The following DPYD variants were observed in gnomAD, a reference collection of about 807,000 sequenced individuals.
DPYD encodes dihydropyrimidine dehydrogenase.
Under a neutral mutation model 116.2 loss-of-function variants are expected in DPYD, and 109 were observed. The observed-to-expected ratio is 0.94, with a 90% confidence interval of 0.80 to 1.10. The LOEUF (loss-of-function observed/expected upper bound fraction) is 1.10. Ranked by LOEUF, DPYD falls within the 50% of genes least tolerant of loss-of-function variation. The pLI is 0.00. For synonymous variants in DPYD, 440 were observed against 432.0 expected, an observed-to-expected ratio of 1.02 and a Z score of -0.23; for missense variants, 1,302 against 1,254.5, an observed-to-expected ratio of 1.04 and a Z score of -0.57.
At chr1:97,761,324 G>A (rs944288826) in intron 3 of DPYD, among the ~76,000 whole-genome samples, 2 of 152,020 alleles carry the variant, frequency 1.3e-5, no homozygotes, top group African/African-American at 4.8e-5. Context: ...ATCTGAAAAC[G>A]TCTTTAAAAT....
chr1:97,831,710 G>A (rs56996093), intron 2 of DPYD, among the ~76,000 whole-genome samples: 3,790 of 151,840 alleles, frequency 0.025, 156 homozygotes, highest in African/African-American at 0.084. Context: ...CAGAAGAAAG[G>A]AAAAGGCAAC....
At chr1:97,785,607 C>T (rs1157761522) in intron 3 of DPYD, among the ~76,000 whole-genome samples, 1 of 150,588 alleles carries the variant, frequency 6.6e-6, no homozygotes. Flanking sequence ...GCACATCACA[C>T]ACCCTGTGTT....
At chr1:97,375,724 G>A (rs963728431) in intron 15 of DPYD, among the ~76,000 whole-genome samples, 2 of 152,144 alleles carry the variant, frequency 1.3e-5, no homozygotes, top group African/African-American at 2.4e-5. Context: ...TGGATAATAT[G>A]ACCTGTCTCA....
chr1:97,107,749 T>C (rs1485877161), intron 20 of DPYD, among the ~76,000 whole-genome samples: 1 of 152,146 alleles, frequency 6.6e-6, no homozygotes, highest in African/African-American at 2.4e-5. Flanking sequence ...CAAGTCTGCC[T>C]GATAGACTCT....
intron 16 of DPYD, among the ~76,000 whole-genome samples, chr1:97,353,752 CTG>C (rs149778332): frequency 0.14 from 20,950 of 151,388 alleles, 1,571 homozygotes; most frequent in East Asian, 0.29. Flanking sequence ...TTTCCAGAAA[CTG>C]GACTTTTCGG....
At chr1:97,737,908 A>G (rs1354797005) in intron 4 of DPYD, among the ~76,000 whole-genome samples, 7 of 152,170 alleles carry the variant, frequency 4.6e-5, no homozygotes, top group Non-Finnish European at 1.5e-5. Flanking sequence ...ATAAGGATCT[A>G]TCACAAAGAA....
At chr1:97,442,114 A>G (rs1675829888) in intron 14 of DPYD, among the ~76,000 whole-genome samples, 2 of 152,062 alleles carry the variant, frequency 1.3e-5, no homozygotes, top group Admixed American at 1.3e-4. Flanking sequence ...TCAGTGCTGC[A>G]TACTCAAGAG....
At chr1:97,359,928 A>G (rs1226732289) in intron 16 of DPYD, among the ~76,000 whole-genome samples, 1 of 152,212 alleles carries the variant, frequency 6.6e-6, no homozygotes, top group Non-Finnish European at 1.5e-5. Context: ...AGCTAACATC[A>G]TAATGACAGG....
At chr1:97,349,410 T>C (rs558130720) in intron 16 of DPYD, among the ~76,000 whole-genome samples, 183 of 152,184 alleles carry the variant, frequency 1.2e-3, no homozygotes, top group Non-Finnish European at 2.1e-3. Flanking sequence ...GTTTGTTACA[T>C]ATGTATACAT....
At chr1:97,750,042 T>A (rs1349643998) in intron 3 of DPYD, among the ~76,000 whole-genome samples, 1 of 152,162 alleles carries the variant, frequency 6.6e-6, no homozygotes, top group Non-Finnish European at 1.5e-5. Flanking sequence ...ATCTTCTTAA[T>A]TTTTGAAACA....
At chr1:97,596,100 G>C (rs894239685) in intron 8 of DPYD, among the ~76,000 whole-genome samples, 1 of 151,902 alleles carries the variant, frequency 6.6e-6, no homozygotes, top group African/African-American at 2.4e-5. Flanking sequence ...AGATGAGAGA[G>C]TACCAGAATG....
intron 3 of DPYD, among the ~76,000 whole-genome samples, chr1:97,806,506 T>C (rs1347640434): frequency 6.6e-6 from 1 of 151,920 alleles, no homozygotes; most frequent in Non-Finnish European, 1.5e-5. Flanking sequence ...AAATTGTACA[T>C]ACTTCCTTTT....
chr1:97,645,820 A>G (rs1042943885), intron 8 of DPYD, among the ~76,000 whole-genome samples: 13 of 152,112 alleles, frequency 8.5e-5, no homozygotes, highest in African/African-American at 2.9e-4. Flanking sequence ...TTCACCAAGA[A>G]CAGTCTCCAA....
At chr1:97,603,157 C>T (rs747971326) in intron 8 of DPYD, among the ~76,000 whole-genome samples, 3 of 151,968 alleles carry the variant, frequency 2.0e-5, no homozygotes, top group Admixed American at 6.6e-5. Context: ...TCAAACAATA[C>T]GCCTCAGGCA....
At chr1:97,518,002 T>C (rs1016778455) in intron 12 of DPYD, among the ~76,000 whole-genome samples, 2 of 152,186 alleles carry the variant, frequency 1.3e-5, no homozygotes, top group African/African-American at 4.8e-5. Context: ...CAGATATATG[T>C]GTAGTTCAAC....
intron 16 of DPYD, among the ~76,000 whole-genome samples, chr1:97,353,715 A>G (rs938524979): frequency 7.9e-5 from 12 of 151,636 alleles, no homozygotes; most frequent in African/African-American, 2.9e-4. Context: ...AAAAATAGAG[A>G]CCATACAAAT....
At chr1:97,297,852 A>T (rs1048411226) in intron 18 of DPYD, among the ~76,000 whole-genome samples, 1 of 152,210 alleles carries the variant, frequency 6.6e-6, no homozygotes, top group Non-Finnish European at 1.5e-5. Context: ...ATCCTTGCCT[A>T]ACTCACACCT....
chr1:97,290,198 G>C (rs1474000041), intron 18 of DPYD, among the ~76,000 whole-genome samples: 2 of 151,410 alleles, frequency 1.3e-5, no homozygotes, highest in Non-Finnish European at 3.0e-5. Context: ...GAGGATACAA[G>C]TGGAAGAACA....
At chr1:97,885,609 A>C (rs2101647770) in intron 1 of DPYD, among the ~76,000 whole-genome samples, 1 of 152,228 alleles carries the variant, frequency 6.6e-6, no homozygotes, top group Middle Eastern at 3.4e-3. Context: ...TTAGAGTTTA[A>C]AAGTTCAAAA....
Sources: gnomAD v4.1 joint callset for allele counts (sites outside exome capture counted in the v4.1 genomes callset) on GRCh38, gnomAD v4.1.1 for gene constraint, MANE v1.5 for transcripts, NCBI Gene and HGNC (gene_info 2026-07-23, HGNC 2026-07-21) for gene names.